The following RCAN2 variants were observed in gnomAD, a reference collection of about 807,000 sequenced individuals.
The protein encoded by RCAN2 is regulator of calcineurin 2.
A neutral mutation model predicts 23.6 loss-of-function variants in RCAN2; 9 were observed. The ratio of observed to expected loss-of-function variants is 0.38; its 90% CI spans 0.23 to 0.67. RCAN2 has a LOEUF of 0.67. RCAN2 is among the 30% of genes least tolerant of loss of function. The pLI is 0.51. For synonymous variants in RCAN2, 109 were observed against 115.7 expected (o/e 0.94, Z 0.37); for missense variants, 273 against 302.3 (o/e 0.90, Z 0.72).
chr6:46,450,623 CCT>C (rs1767847017), intron 2 of RCAN2, among the ~76,000 whole-genome samples: 1 of 151,856 alleles, frequency 6.6e-6, no homozygotes, highest in South Asian at 2.1e-4. Flanking sequence ...AGAAGGAAAC[CCT>C]GTCTTTGCAC....
rs1001225072 is a variant in RCAN2, at chr6:46,223,092, A to T, written c.*49T>A. On this transcript the variant is annotated 3_prime_UTR_variant, in exon 5 of 5. Transcript: ENST00000371374. Reference sequence around the variant, plus strand: ...TTTTTTTTGACAAACAACAGGGGGAAAAAGCATGATAAAGAGGAGACGGCT... The same window carrying T: ...TTTTTTTTGACAAACAACAGGGGGATAAAGCATGATAAAGAGGAGACGGCT... The T allele has an allele frequency of 1.1e-5, 17 of 1,593,012 alleles. No individual in the cohort carries two copies. The highest frequency in any genetic ancestry group is 1.5e-5 in the Non-Finnish European group (17 of 1,170,160).
intron 4 of RCAN2, among the ~76,000 whole-genome samples, chr6:46,241,910 T>G (rs1405939645): frequency 6.6e-6 from 1 of 152,206 alleles, no homozygotes; most frequent in Non-Finnish European, 1.5e-5. Flanking sequence ...TAATTTTAAG[T>G]CATTTTTATT....
At chr6:46,314,168 C>A (rs1012063354) in intron 2 of RCAN2, among the ~76,000 whole-genome samples, 1 of 151,908 alleles carries the variant, frequency 6.6e-6, no homozygotes, top group Non-Finnish European at 1.5e-5. Context: ...TCGAGGCCAG[C>A]TTGGCCAACA....
intron 2 of RCAN2, among the ~76,000 whole-genome samples, chr6:46,346,907 G>A (rs945042683): frequency 8.6e-5 from 13 of 151,198 alleles, no homozygotes; most frequent in Admixed American, 2.0e-4. Context: ...AGGGAATCTC[G>A]CTCTGTCACC....
At chr6:46,433,838 G>C (rs1767286881) in intron 2 of RCAN2, among the ~76,000 whole-genome samples, 1 of 152,124 alleles carries the variant, frequency 6.6e-6, no homozygotes, top group Admixed American at 6.5e-5. Flanking sequence ...AATACTCTAG[G>C]AAAACAAACA....
At chr6:46,380,503 A>G (rs898451301) in intron 2 of RCAN2, among the ~76,000 whole-genome samples, 6 of 152,194 alleles carry the variant, frequency 3.9e-5, no homozygotes, top group Non-Finnish European at 7.3e-5. Context: ...AACACCAGGG[A>G]ACAGGTGAGT....
chr6:46,414,416 G>A (rs1219817935), intron 2 of RCAN2, among the ~76,000 whole-genome samples: 1 of 152,210 alleles, frequency 6.6e-6, no homozygotes, highest in Non-Finnish European at 1.5e-5. Context: ...TAGAAGTTGG[G>A]TCATTTGAAC....
chr6:46,490,289 C>T (rs1449093763), intron 1 of RCAN2, among the ~76,000 whole-genome samples: 1 of 152,064 alleles, frequency 6.6e-6, no homozygotes, highest in Non-Finnish European at 1.5e-5. Flanking sequence ...TAAAGGAACC[C>T]CAGAAACTTT....
intron 4 of RCAN2, among the ~76,000 whole-genome samples, chr6:46,245,847 A>T (rs928093962): frequency 3.9e-5 from 6 of 152,200 alleles, no homozygotes; most frequent in African/African-American, 1.2e-4. Context: ...GACAGAGCAG[A>T]CATAATGGCC....
chr6:46,293,555 T>C (rs4714919), intron 2 of RCAN2, among the ~76,000 whole-genome samples: 7 of 152,290 alleles, frequency 4.6e-5, no homozygotes, highest in Admixed American at 3.9e-4. Flanking sequence ...GAAATTCAAA[T>C]TGGGATAAAC....
At chr6:46,325,350 G>C in intron 2 of RCAN2, 1 of 1,609,778 alleles carries the variant, frequency 6.2e-7, no homozygotes, top group Non-Finnish European at 8.5e-7. Context: ...GCCAAGCAGC[G>C]TCAGTAACAG....
intron 2 of RCAN2, among the ~76,000 whole-genome samples, chr6:46,389,248 G>A (rs1438776983): frequency 1.3e-5 from 2 of 152,168 alleles, no homozygotes; most frequent in African/African-American, 4.8e-5. Context: ...CATCACTACT[G>A]TCTCTTTCTT....
intron 2 of RCAN2, among the ~76,000 whole-genome samples, chr6:46,448,288 A>G (rs1301654065): frequency 6.6e-6 from 1 of 151,832 alleles, no homozygotes; most frequent in Non-Finnish European, 1.5e-5. Flanking sequence ...ATCACGAAGA[A>G]AAAGAAAACA....
chr6:46,291,578 T>C (rs1432125993), intron 2 of RCAN2, among the ~76,000 whole-genome samples: 7 of 152,052 alleles, frequency 4.6e-5, no homozygotes, highest in Non-Finnish European at 1.0e-4. Context: ...AATGATCATT[T>C]AGTGTCTTTT....
chr6:46,284,867 A>G, intron 2 of RCAN2, among the ~76,000 whole-genome samples: 1 of 152,240 alleles, frequency 6.6e-6, no homozygotes, highest in East Asian at 1.9e-4. Flanking sequence ...GGGATATGGG[A>G]AAGTATTAAA....
At chr6:46,448,698 C>T (rs1354110856) in intron 2 of RCAN2, among the ~76,000 whole-genome samples, 1 of 151,806 alleles carries the variant, frequency 6.6e-6, no homozygotes. Flanking sequence ...AAATGTGATA[C>T]ACAACATTAA....
chr6:46,257,591 G>T (rs556725837), intron 2 of RCAN2, among the ~76,000 whole-genome samples: 1 of 152,066 alleles, frequency 6.6e-6, no homozygotes, highest in African/African-American at 2.4e-5. Context: ...ATCAGATCTC[G>T]TGAGAACTCA....
chr6:46,247,695 T>C (rs751695285), intron 3 of RCAN2, among the ~76,000 whole-genome samples: 26 of 152,250 alleles, frequency 1.7e-4, no homozygotes, highest in Non-Finnish European at 3.4e-4. Flanking sequence ...GTCCTTTTTA[T>C]GGATGAATAA....
intron 2 of RCAN2, among the ~76,000 whole-genome samples, chr6:46,400,726 G>A (rs940441253): frequency 2.0e-5 from 3 of 152,186 alleles, no homozygotes; most frequent in Non-Finnish European, 4.4e-5. Flanking sequence ...GCCATGGTGG[G>A]AGAGACCGGG....
Sources: allele counts gnomAD v4.1 joint callset (sites outside exome capture counted in the v4.1 genomes callset), GRCh38; gene constraint gnomAD v4.1.1; transcripts MANE v1.5; gene names NCBI Gene and HGNC (gene_info 2026-07-23, HGNC 2026-07-21).